The following PUF60 variants were observed in gnomAD, a reference collection of about 807,000 sequenced individuals.
PUF60 encodes poly(U)-binding-splicing factor PUF60.
PUF60 carries 10 observed loss-of-function variants against 61.8 expected under a neutral mutation model. That is an observed-to-expected ratio of 0.16 (90% CI 0.10 to 0.27). The LOEUF is 0.27. Among genes scored for constraint, PUF60 ranks in the 10% least tolerant of loss-of-function variants. The pLI, the probability that PUF60 is intolerant of heterozygous loss-of-function variation, is 1.00. For synonymous variants in PUF60, 353 were observed against 300.9 expected (o/e 1.17, Z -1.79); for missense variants, 371 against 754.0 (o/e 0.49, Z 5.95).
chr8:143,821,376 G>A, intron 4 of PUF60: 2 of 601,382 alleles, frequency 3.3e-6, no homozygotes, highest in East Asian at 2.8e-5. Flanking sequence ...GCCAAGAAAG[G>A]GGCTGCGGCG....
At chr8:143,822,530 G>C (rs1189280686) in intron 2 of PUF60, 8 of 456,542 alleles carry the variant, frequency 1.8e-5, no homozygotes, top group Non-Finnish European at 3.1e-5. Context: ...AAGCCCTGAA[G>C]AGGGCTCCAG....
At position 143,818,208 on chromosome 8, in the gene PUF60, C is replaced by G; in HGVS notation, c.588G>C (p.Gly196=). 1 of 1,611,140 alleles carries G rather than the reference C, an allele frequency of 6.2e-7. No homozygotes were observed. Among genetic ancestry groups the G allele is most frequent in the Non-Finnish European group, 8.5e-7 (1 of 1,179,202 alleles). The change falls in exon 7 of 12, where the codon GGG becomes GGC. Residue 196 remains glycine (G), a synonymous_variant. Transcript: ENST00000526683. The surrounding 1 kb of genome is among the most constrained non-coding windows in gnomAD (Gnocchi z 7.9). ...ALEQMNSVML[G]GRNIKVGRPS... ...CCTGCCTCACCTTGATGTTCCTGCC[C>G]CCCAGCATCACCGAGTTCATCTGCT...
At chr8:143,821,283 A>G in intron 4 of PUF60, 1 of 533,418 alleles carries the variant, frequency 1.9e-6, no homozygotes, top group Non-Finnish European at 3.4e-6. Flanking sequence ...GGCTGTGCAC[A>G]GCTGGGGCAG....
In PUF60 at chr8:143,817,557, C is replaced by T; in HGVS notation, c.1008+35G>A. On this transcript the variant is annotated intron_variant, in intron 9 of 11. Coordinates refer to ENST00000526683, the MANE Select transcript of PUF60 (RefSeq NM_078480.3). The surrounding 1 kb of genome is among the most constrained non-coding windows in gnomAD (Gnocchi z 7.4). ...CTCCAAGGAATCAGGGGCCAGCCCG[C>T]CCACCCTCAAGCCGACAGCTGTGTG... 1.9e-6 allele frequency: 3 copies of T among 1,608,854 alleles called. No homozygotes were observed. Among genetic ancestry groups the T allele is most frequent in the Non-Finnish European group, 2.5e-6 (3 of 1,179,050 alleles).
At position 143,816,385 on chromosome 8, in the gene PUF60, C is replaced by T. The variant is rs542107539; in HGVS notation, c.*135G>A. 6 of 1,004,894 alleles carry T rather than the reference C, an allele frequency of 6.0e-6. No individual in the cohort carries two copies. The highest frequency in any genetic ancestry group is 1.7e-5 in the South Asian group (1 of 59,386). The allele number at this position is 1,004,894 out of a possible 1,614,324, so 62.2% of individuals were successfully genotyped here. ...CGGCAGACACACGGACGTTCAGGGC[C>T]AGCAGCATCCGCACCTTTATCCGCA... On this transcript the variant is annotated 3_prime_UTR_variant, in exon 12 of 12. Coordinates refer to ENST00000526683, the MANE Select transcript of PUF60 (RefSeq NM_078480.3).
chr8:143,816,857 G>T lies in PUF60; in HGVS notation c.1381-38C>A, dbSNP rs745634435. The stretch of plus-strand genomic sequence containing the variant: ...GCCGAGGGGAAGACAGCTGAGCACT[G>T]CGGCCCCGCCCCCCTACCCTCTCCC... On this transcript the variant is annotated intron_variant, in intron 11 of 11. Transcript: ENST00000526683. The T allele has an allele frequency of 5.0e-6, 8 of 1,599,204 alleles. No individual in the cohort carries two copies. The South Asian group carries it at 8.9e-5, about 18-fold the overall frequency.
chr8:143,816,454 C>T lies in PUF60; in HGVS notation c.*66G>A, dbSNP rs1301434541. ...AGAGCGCGCCTGGCCCCGGGGACAC[C>T]ACTGTATCACTATAAAACCCAGAGG... On this transcript the variant is annotated 3_prime_UTR_variant, in exon 12 of 12. Coordinates refer to ENST00000526683, the MANE Select transcript of PUF60 (RefSeq NM_078480.3). The T allele has an allele frequency of 6.5e-7, 1 of 1,537,994 alleles. No individual in the cohort carries two copies. Among genetic ancestry groups the T allele is most frequent in the Non-Finnish European group, 8.8e-7 (1 of 1,142,294 alleles).
chr8:143,821,606 G>T lies in PUF60; in HGVS notation c.288C>A (p.Thr96=), dbSNP rs1817027365. ...QTIAHQQQQL[T]NLQMAAVTMG... The stretch of plus-strand genomic sequence containing the variant: ...TCCGGCCGGGGCTCACCTGCAGGTT[G>T]GTGAGCTGCTGCTGCTGGTGCGCGA... The change falls in exon 4 of 12, where the codon ACC becomes ACA. Residue 96 remains threonine, a synonymous_variant. Coordinates refer to ENST00000526683, the MANE Select transcript of PUF60 (RefSeq NM_078480.3). 2 of 1,543,270 alleles carry T rather than the reference G, an allele frequency of 1.3e-6. No homozygotes were observed. The highest frequency in any genetic ancestry group is 1.4e-5 in the African/African-American group (1 of 73,096).
intron 11 of PUF60, 21 bp from the exon 12 acceptor site, chr8:143,816,840 G>C (rs1204398748): frequency 6.2e-7 from 1 of 1,608,276 alleles, no homozygotes; most frequent in South Asian, 1.1e-5. Flanking sequence ...GGGCCGAGGG[G>C]AAGACAGCTG....
At chr8:143,826,957 C>T (rs542663268) in intron 1 of PUF60, 120 of 200,188 alleles carry the variant, frequency 6.0e-4, no homozygotes, top group African/African-American at 2.8e-3. Context: ...GTGTCAGATA[C>T]CCAGGGCAGA....
chr8:143,822,802 T>C (rs1251223375), intron 2 of PUF60: 1 of 343,796 alleles, frequency 2.9e-6, no homozygotes, highest in African/African-American at 2.2e-5. Context: ...GAGTGTGGGA[T>C]GGGCAAACAG....
rs1816881971 is a variant in PUF60 at position 143,820,403 on chromosome 8, G to A, written c.348+263C>T. The stretch of plus-strand genomic sequence containing the variant: ...ACGGGCCTGGTGCTGGCAGCTACCC[G>A]CCCTGGCCGGCTGCCCTCCGCAGTT... On this transcript the variant is annotated intron_variant, in intron 5 of 11. Transcript: ENST00000526683. 5 of 550,968 alleles carry A rather than the reference G, an allele frequency of 9.1e-6. No homozygotes were observed. In the East Asian group the frequency reaches 1.2e-4, roughly 14 times the overall value. 34.1% of individuals were successfully genotyped at this position (550,968 alleles called of 1,614,324 possible).
In PUF60 at chr8:143,824,248, A is replaced by AGGCAGGCGGGCG. The variant is rs1431451647; in HGVS notation, c.111+53_111+64dup. ...GCCCTCTCTGGGCCCAGGGACGCAC[A>AGGCAGGCGGGCG]GGCAGGCGGGCGGGCGGGCGGGCAG... On this transcript the variant is annotated intron_variant, in intron 2 of 11. Transcript: ENST00000526683. 6 of 1,468,832 alleles carry AGGCAGGCGGGCG rather than the reference A, an allele frequency of 4.1e-6. No homozygotes were observed. The Admixed American group carries it at 1.0e-4, about 25-fold the overall frequency. 91.0% of individuals were successfully genotyped at this position (1,468,832 alleles called of 1,614,324 possible). A position where few individuals can be genotyped will look rare whatever the true frequency, so the allele number is the denominator to read the frequency against.
At position 143,821,869 on chromosome 8, in the gene PUF60, G is replaced by A; in HGVS notation, c.156C>T (p.Ala52=). ...IKMENGQSTA[A]KLGLPPLTPE... ...GCGTCAGGGGAGGCAGCCCCAGCTT[G>A]GCGGCTGTGCTCTGCCCGTTCTCCA... The change falls in exon 3 of 12, where the codon GCC becomes GCT. Residue 52 remains alanine, a synonymous_variant. Coordinates refer to ENST00000526683, the MANE Select transcript of PUF60 (RefSeq NM_078480.3). The A allele has an allele frequency of 6.2e-7, 1 of 1,610,244 alleles. No homozygotes were observed. The highest frequency in any genetic ancestry group is 1.7e-5 in the Admixed American group (1 of 59,878).
intron 2 of PUF60, 77 bp downstream of exon 2, chr8:143,824,236 C>G (rs1308508285): frequency 2.4e-5 from 35 of 1,436,934 alleles, no homozygotes; most frequent in Non-Finnish European, 5.7e-6. Context: ...CTCTCTGGGC[C>G]CAGGGACGCA....
intron 1 of PUF60, among the ~76,000 whole-genome samples, chr8:143,827,749 A>G (rs995824424): frequency 1.3e-5 from 2 of 152,230 alleles, no homozygotes; most frequent in Admixed American, 1.3e-4. Flanking sequence ...GGATGGCAAC[A>G]AACACCCCAA....
At chr8:143,823,202 C>T (rs1817225580) in intron 2 of PUF60, 1 of 160,586 alleles carries the variant, frequency 6.2e-6, no homozygotes, top group Admixed American at 6.3e-5. Context: ...CAGTCCGGCT[C>T]ACACTAGGCC....
rs1241181725 is a variant in PUF60, at chr8:143,829,308, C to G, written c.-5G>C. The G allele has an allele frequency of 7.9e-7, 1 of 1,262,828 alleles. No homozygotes were observed. The highest frequency in any genetic ancestry group is 1.5e-5 in the African/African-American group (1 of 64,964). 78.2% of individuals were successfully genotyped at this position (1,262,828 alleles called of 1,614,324 possible). ...AGCTATGGTCGCCGTCGCCATCTTG[C>G]GTCCGTCGCGGCCTCCGCGCGCGCC... On this transcript the variant is annotated 5_prime_UTR_variant, in exon 1 of 12. Coordinates refer to ENST00000526683, the MANE Select transcript of PUF60 (RefSeq NM_078480.3).
In PUF60 at chr8:143,827,956, C is replaced by T. The variant is rs1294500321; in HGVS notation, c.24+1324G>A. Among the ~76,000 whole-genome samples, 5 of 152,220 alleles carry T rather than the reference C, an allele frequency of 3.3e-5. No homozygotes were observed. The South Asian group carries it at 8.3e-4, about 25-fold the overall frequency. ...CCATGTCCAGTCCTTGTCTCTGAGC[C>T]TCCTCCTCCTTCACCATCAACTCTC... On this transcript the variant is annotated intron_variant, in intron 1 of 11. Coordinates refer to ENST00000526683, the MANE Select transcript of PUF60 (RefSeq NM_078480.3).
Sources: gnomAD v4.1 joint callset for allele counts (sites outside exome capture counted in the v4.1 genomes callset) on GRCh38, gnomAD v4.1.1 for gene constraint, Gnocchi (gnomAD v3.1) non-coding constraint, MANE v1.5 for transcripts, NCBI Gene and HGNC (gene_info 2026-07-23, HGNC 2026-07-21) for gene names.